The following SLC9A9 variants were observed in gnomAD, a reference collection of about 807,000 sequenced individuals.
The protein encoded by SLC9A9 is solute carrier family 9 member A9, also known as sodium/hydrogen exchanger 9.
SLC9A9 carries 62 observed loss-of-function variants against 77.8 expected under a neutral mutation model. The observed-to-expected ratio is 0.80, with a 90% confidence interval of 0.65 to 0.98. The LOEUF is 0.98. SLC9A9 is among the 50% of genes least tolerant of loss of function. SLC9A9 has a pLI of 0.00. For synonymous variants in SLC9A9, 320 were observed against 283.5 expected (o/e 1.13, Z -1.29); for missense variants, 775 against 774.9 (o/e 1.00, Z 0.00).
intron 4 of SLC9A9, among the ~76,000 whole-genome samples, chr3:143,734,732 CAAAAAA>C (rs532314682): frequency 1.5e-5 from 1 of 66,158 alleles, no homozygotes. Flanking sequence ...GACTCCATCT[CAAAAAA>C]AAAAAAAAAA....
At chr3:143,434,154 G>A (rs1405821739) in intron 12 of SLC9A9, among the ~76,000 whole-genome samples, 2 of 152,128 alleles carry the variant, frequency 1.3e-5, no homozygotes, top group African/African-American at 4.8e-5. Flanking sequence ...TACAGCTCAA[G>A]TCCTAGCATC....
intron 12 of SLC9A9, among the ~76,000 whole-genome samples, chr3:143,459,436 C>A (rs989951505): frequency 6.6e-6 from 1 of 152,102 alleles, no homozygotes; most frequent in East Asian, 1.9e-4. Flanking sequence ...CAGATTTTGT[C>A]CAGAATGCAA....
At chr3:143,652,123 G>T in intron 6 of SLC9A9, 132 bp downstream of exon 6, 1 of 732,200 alleles carries the variant, frequency 1.4e-6, no homozygotes, top group Non-Finnish European at 2.4e-6. Context: ...GCCCATTATG[G>T]AAATTTTCTG....
chr3:143,688,226 C>T (rs933773493), intron 5 of SLC9A9, among the ~76,000 whole-genome samples: 5 of 151,970 alleles, frequency 3.3e-5, no homozygotes, highest in African/African-American at 1.2e-4. Flanking sequence ...GTTGGAATTA[C>T]AGTCATGAGC....
rs577278837 is a variant in SLC9A9, at chr3:143,405,074, G to A, written c.1470-22960C>T. Among the ~76,000 whole-genome samples, 13 of 152,306 alleles carry A rather than the reference G, an allele frequency of 8.5e-5. 1 individual carries two copies. The South Asian group carries it at 2.5e-3, about 29-fold the overall frequency. On this transcript the variant is annotated intron_variant, in intron 12 of 15. Transcript: ENST00000316549. ...AGCTCTCAGGGGCATCCAAGGGGGTGTAACCCAGCACCTTTGGACCCCCAG... is the reference window on the plus strand; with the variant it reads ...AGCTCTCAGGGGCATCCAAGGGGGTATAACCCAGCACCTTTGGACCCCCAG...
chr3:143,466,352 A>G (rs1576516623), intron 12 of SLC9A9, among the ~76,000 whole-genome samples: 1 of 152,254 alleles, frequency 6.6e-6, no homozygotes, highest in Non-Finnish European at 1.5e-5. Flanking sequence ...TTAAACAAAG[A>G]CAGCCACACT....
intron 12 of SLC9A9, among the ~76,000 whole-genome samples, chr3:143,396,355 C>T (rs1415410328): frequency 6.6e-6 from 1 of 152,140 alleles, no homozygotes; most frequent in Non-Finnish European, 1.5e-5. Context: ...GATAAAAAAC[C>T]AAACACCGCA....
intron 11 of SLC9A9, among the ~76,000 whole-genome samples, chr3:143,479,452 T>C (rs1280507134): frequency 6.6e-6 from 1 of 151,918 alleles, no homozygotes; most frequent in East Asian, 1.9e-4. Flanking sequence ...GGGGTCTTGT[T>C]TTGTTGCCCA....
At chr3:143,654,980 C>T (rs1275839264) in intron 5 of SLC9A9, among the ~76,000 whole-genome samples, 1 of 152,226 alleles carries the variant, frequency 6.6e-6, no homozygotes, top group African/African-American at 2.4e-5. Flanking sequence ...GTTTCATAAA[C>T]GATGTCCCAC....
intron 14 of SLC9A9, among the ~76,000 whole-genome samples, chr3:143,318,340 A>G (rs2031299738): frequency 6.6e-6 from 1 of 152,214 alleles, no homozygotes; most frequent in African/African-American, 2.4e-5. Context: ...TTAAAATAAA[A>G]TAGATAAGCA....
chr3:143,415,084 G>T (rs373206539), intron 12 of SLC9A9, among the ~76,000 whole-genome samples: 2 of 152,350 alleles, frequency 1.3e-5, no homozygotes, highest in South Asian at 4.1e-4. Context: ...CCAGAGGGGG[G>T]CCCTAACTCT....
At position 143,359,968 on chromosome 3, in the gene SLC9A9, G is replaced by GT. The variant is rs1427252143; in HGVS notation, c.1604+3515dup. The stretch of plus-strand genomic sequence containing the variant: ...ATGTTCAAGATGTGAGCTCTGGACT[G>GT]TATCATGTAAGGAGTCCTAATTATT... On this transcript the variant is annotated intron_variant, in intron 14 of 15. Transcript: ENST00000316549. 2.0e-5 allele frequency among the ~76,000 whole-genome samples: 3 copies of GT among 152,292 alleles called. No homozygotes were observed. In the East Asian group the frequency reaches 5.8e-4, roughly 29 times the overall value.
chr3:143,680,353 AG>A (rs1437360458), intron 5 of SLC9A9, among the ~76,000 whole-genome samples: 4 of 152,158 alleles, frequency 2.6e-5, no homozygotes, highest in African/African-American at 9.6e-5. Flanking sequence ...GAAAAGTAAC[AG>A]GGATTATATA....
chr3:143,549,143 C>T lies in SLC9A9; in HGVS notation c.1089+3219G>A, dbSNP rs1007703223. 1.2e-4 allele frequency among the ~76,000 whole-genome samples: 19 copies of T among 152,342 alleles called. No homozygotes were observed. The South Asian group carries it at 3.9e-3, about 32-fold the overall frequency. On this transcript the variant is annotated intron_variant, in intron 9 of 15. Transcript: ENST00000316549. ...AAACCTTTCCCAGTTTCAGAAGGGA[C>T]ACAGTGGCAACCTCTTTAGTACATG... is the stretch of plus-strand genomic sequence containing the variant.
chr3:143,436,061 G>C (rs1013046941), intron 12 of SLC9A9, among the ~76,000 whole-genome samples: 4 of 152,182 alleles, frequency 2.6e-5, no homozygotes, highest in Non-Finnish European at 5.9e-5. Flanking sequence ...CTCATCCTCA[G>C]ATCAGGCCTT....
At chr3:143,528,193 C>T (rs922183751) in intron 9 of SLC9A9, among the ~76,000 whole-genome samples, 1 of 152,180 alleles carries the variant, frequency 6.6e-6, no homozygotes, top group Admixed American at 6.5e-5. Flanking sequence ...CAGCTTTTTG[C>T]TCCACCATTA....
At chr3:143,668,159 G>T (rs1169533162) in intron 5 of SLC9A9, among the ~76,000 whole-genome samples, 6 of 152,070 alleles carry the variant, frequency 3.9e-5, no homozygotes, top group African/African-American at 1.4e-4. Flanking sequence ...CCATAAAAAA[G>T]GATGAGTTCA....
At chr3:143,743,269 A>AGATG (rs1935124294) in intron 4 of SLC9A9, among the ~76,000 whole-genome samples, 1 of 151,384 alleles carries the variant, frequency 6.6e-6, no homozygotes, top group Non-Finnish European at 1.5e-5. Flanking sequence ...ATAGATAGAT[A>AGATG]GATAGATAGA....
chr3:143,711,155 T>C (rs1262701217), intron 4 of SLC9A9, among the ~76,000 whole-genome samples: 2 of 152,230 alleles, frequency 1.3e-5, no homozygotes, highest in Non-Finnish European at 2.9e-5. Flanking sequence ...AAATATATTT[T>C]TGAAACCTTT....
Sources: allele counts gnomAD v4.1 joint callset (sites outside exome capture counted in the v4.1 genomes callset), GRCh38; gene constraint gnomAD v4.1.1; transcripts MANE v1.5; gene names NCBI Gene and HGNC (gene_info 2026-07-23, HGNC 2026-07-21).